Variants in MRC1 observed in about 807,000 individuals in gnomAD.
MRC1 encodes macrophage mannose receptor 1.
MRC1 carries 62 observed loss-of-function variants against 102.9 expected under a neutral mutation model. The observed-to-expected ratio is 0.60, with a 90% CI of 0.49 to 0.74. The LOEUF is 0.74. Among genes scored for constraint, MRC1 ranks in the 30% least tolerant of loss-of-function variants. MRC1 has a pLI of 0.00. For missense variants in MRC1, 1,237 were observed against 862.8 expected (o/e 1.43, Z -5.43); for synonymous variants, 457 against 298.4 (o/e 1.53, Z -5.48).
chr10:17,828,170 G>C (rs914922084), intron 3 of MRC1, among the ~76,000 whole-genome samples: 1 of 152,118 alleles, frequency 6.6e-6, no homozygotes, highest in African/African-American at 2.4e-5. Flanking sequence ...TCCGCCTCCC[G>C]AGTTCACGCC....
At chr10:17,843,002 A>G (rs1838773225) in intron 5 of MRC1, among the ~76,000 whole-genome samples, 1 of 152,234 alleles carries the variant, frequency 6.6e-6, no homozygotes, top group African/African-American at 2.4e-5. Flanking sequence ...CAAGCATTCA[A>G]TTGAATAATT....
chr10:17,827,736 A>G (rs1838502543), intron 3 of MRC1, 21 bp downstream of exon 3: 7 of 780,516 alleles, frequency 9.0e-6, no homozygotes, highest in African/African-American at 8.5e-5. Context: ...TTTATCACCA[A>G]GAAAAGTTGG....
chr10:17,902,173 T>A, intron 26 of MRC1, 51 bp downstream of exon 26: 1 of 745,712 alleles, frequency 1.3e-6, no homozygotes, highest in South Asian at 1.5e-5. Context: ...TATTCTGGGG[T>A]CCACTGACAC....
chr10:17,855,110 C>T (rs1833063004), intron 8 of MRC1, among the ~76,000 whole-genome samples: 1 of 152,136 alleles, frequency 6.6e-6, no homozygotes, highest in Non-Finnish European at 1.5e-5. Flanking sequence ...GAAGGTTGAG[C>T]CTCAGATCCA....
At chr10:17,870,730 A>G in intron 13 of MRC1, 118 bp from the exon 14 acceptor site, 1 of 783,210 alleles carries the variant, frequency 1.3e-6, no homozygotes, top group South Asian at 1.4e-5. Context: ...AAATCTCTTT[A>G]CTTGTGTACT....
intron 1 of MRC1, among the ~76,000 whole-genome samples, chr10:17,816,384 T>G (rs1296487048): frequency 6.6e-6 from 1 of 151,900 alleles, no homozygotes; most frequent in Non-Finnish European, 1.5e-5. Flanking sequence ...AAAGGGAAGG[T>G]GTGTGGACAC....
Position 17,861,491 on chromosome 10 carries a change from T to C in MRC1, c.1623T>C (p.Thr541=), listed in dbSNP as rs1833183307. 4.6e-6 allele frequency: 4 copies of C among 870,420 alleles called. No homozygotes were observed. The highest frequency in any genetic ancestry group is 8.0e-6 in the Non-Finnish European group (4 of 499,974). 53.9% of individuals were successfully genotyped at this position (870,420 alleles called of 1,614,324 possible). A position where few individuals can be genotyped will look rare whatever the true frequency, so the allele number is the denominator to read the frequency against. ...ATAATGAGAATGCTTATTTAACAAC[T>C]ATTGAAGACAGGTATGTAACTATTT... The part of the protein sequence containing the change: ...TCNNENAYLT[T]IEDRYEQAFL... Residue 541 remains threonine (T), a synonymous_variant, in exon 10 of 30, where the codon ACT becomes ACC. Transcript: ENST00000569591.
In MRC1 at chr10:17,833,659, C is replaced by A. The variant is rs542646543; in HGVS notation, c.638-16C>A. The A allele has an allele frequency of 1.9e-4, 149 of 780,958 alleles. No homozygotes were observed. The African/African-American group carries it at 2.2e-3, about 12-fold the overall frequency. 48.4% of individuals were successfully genotyped at this position (780,958 alleles called of 1,614,324 possible). On this transcript the variant is annotated splice_polypyrimidine_tract_variant and intron_variant, in intron 3 of 29. Coordinates refer to ENST00000569591, the MANE Select transcript of MRC1 (RefSeq NM_002438.4). The stretch of plus-strand genomic sequence containing the variant: ...CTATGCATAATGAACCAAATTCCAT[C>A]TGATTTCTTTCACAGTTGAGGGCAG...
chr10:17,851,895 C>A (rs909800466), intron 7 of MRC1, among the ~76,000 whole-genome samples: 76 of 152,218 alleles, frequency 5.0e-4, no homozygotes, highest in Admixed American at 9.2e-4. Context: ...AGAGACTAAA[C>A]CGCTTAGGGA....
Position 17,827,372 on chromosome 10 carries a change from C to CAAAAAAAAAAAAAAAAAAAAAA in MRC1, c.464-153_464-132dup, listed in dbSNP as rs782616938. ...TAGAAGGAGAAGGAAAAAAAATACCCAAAAAAAAAAAAAAAAAAAAAAAAA... is the reference window on the plus strand; with the variant it reads ...TAGAAGGAGAAGGAAAAAAAATACCCAAAAAAAAAAAAAAAAAAAAAAAAAAAAAAAAAAAAAAAAAAAAAAA... On this transcript the variant is annotated intron_variant, in intron 2 of 29. Coordinates refer to ENST00000569591, the MANE Select transcript of MRC1 (RefSeq NM_002438.4). Among the ~76,000 whole-genome samples the CAAAAAAAAAAAAAAAAAAAAAA allele has an allele frequency of 7.8e-5, 5 of 64,052 alleles. 2 individuals carry two copies. The highest frequency in any genetic ancestry group is 2.5e-4 in the African/African-American group (5 of 19,718). 42.0% of individuals were successfully genotyped at this position (64,052 alleles called of 152,430 possible).
At chr10:17,812,479 A>G (rs1452094813) in intron 1 of MRC1, among the ~76,000 whole-genome samples, 2 of 151,726 alleles carry the variant, frequency 1.3e-5, no homozygotes, top group African/African-American at 2.4e-5. Context: ...ACTGATGTCC[A>G]TGCTGTAAAT....
intron 21 of MRC1, 133 bp from the exon 22 acceptor site, chr10:17,885,136 T>C (rs1833574200): frequency 4.2e-6 from 3 of 721,858 alleles, no homozygotes; most frequent in African/African-American, 3.5e-5. Flanking sequence ...TGTGTGTTCA[T>C]GGTAGGTATT....
chr10:17,909,436 C>A (rs1308965553), intron 29 of MRC1, 89 bp downstream of exon 29: 7 of 768,344 alleles, frequency 9.1e-6, no homozygotes, highest in Non-Finnish European at 1.7e-5. Context: ...CCTTCCAACT[C>A]CCCTGCTCTC....
At chr10:17,875,981 C>T (rs1325396364) in intron 17 of MRC1, among the ~76,000 whole-genome samples, 1 of 152,160 alleles carries the variant, frequency 6.6e-6, no homozygotes, top group Non-Finnish European at 1.5e-5. Context: ...AGTGGTGTCA[C>T]ATTGTGATTT....
At chr10:17,819,964 A>G (rs1838371665) in intron 1 of MRC1, among the ~76,000 whole-genome samples, 1 of 152,164 alleles carries the variant, frequency 6.6e-6, no homozygotes, top group Non-Finnish European at 1.5e-5. Context: ...CGAACAAACA[A>G]AAACAGAAAT....
At chr10:17,833,113 CCTTT>C (rs1838604826) in intron 3 of MRC1, among the ~76,000 whole-genome samples, 1 of 151,056 alleles carries the variant, frequency 6.6e-6, no homozygotes, top group Non-Finnish European at 1.5e-5. Context: ...ATCGTGCCTG[CCTTT>C]CTTTCTTTAG....
intron 1 of MRC1, among the ~76,000 whole-genome samples, chr10:17,818,398 G>T (rs1838344480): frequency 6.6e-6 from 1 of 152,160 alleles, no homozygotes; most frequent in African/African-American, 2.4e-5. Flanking sequence ...CATTCCAGTA[G>T]GGGACTATGG....
chr10:17,898,763 A>G (rs1354019404), intron 24 of MRC1, among the ~76,000 whole-genome samples: 1 of 152,194 alleles, frequency 6.6e-6, no homozygotes, highest in East Asian at 1.9e-4. Context: ...TCCATAATAG[A>G]CTAAGGTTGG....
chr10:17,856,810 C>T (rs985242767), intron 9 of MRC1, among the ~76,000 whole-genome samples: 1 of 152,098 alleles, frequency 6.6e-6, no homozygotes, highest in Non-Finnish European at 1.5e-5. Context: ...CATTTATAAT[C>T]TTTCTGATGA....
Sources: allele counts gnomAD v4.1 joint callset (sites outside exome capture counted in the v4.1 genomes callset), GRCh38; gene constraint gnomAD v4.1.1; transcripts MANE v1.5; gene names NCBI Gene and HGNC (gene_info 2026-07-23, HGNC 2026-07-21).